The following IRAK3 variants were observed in gnomAD, a reference collection of about 807,000 sequenced individuals.
IRAK3 encodes interleukin-1 receptor-associated kinase 3.
Under a neutral mutation model 56.6 loss-of-function variants are expected in IRAK3, and 57 were observed. The observed-to-expected ratio is 1.01, with a 90% CI of 0.81 to 1.26. The LOEUF is 1.26. Among genes scored for constraint, IRAK3 ranks in the 50% most tolerant of loss-of-function variants. The probability of loss-of-function intolerance (pLI) is 0.00; values close to 1 mark genes in which losing one functional copy is unlikely to be tolerated. For missense variants in IRAK3, 703 were observed against 719.0 expected (o/e 0.98, Z 0.25); for synonymous variants, 258 against 255.7 (o/e 1.01, Z -0.09).
chr12:66,223,445 G>A (rs904543156), intron 6 of IRAK3, among the ~76,000 whole-genome samples: 1 of 151,796 alleles, frequency 6.6e-6, no homozygotes, highest in African/African-American at 2.4e-5. Flanking sequence ...GGATTATGAG[G>A]TCAGGAGATC....
At chr12:66,242,352 G>C (rs2052978904) in intron 8 of IRAK3, among the ~76,000 whole-genome samples, 2 of 152,230 alleles carry the variant, frequency 1.3e-5, no homozygotes, top group African/African-American at 4.8e-5. Context: ...ATCCATTGAA[G>C]AGTCAACCTA....
At chr12:66,226,932 G>A (rs2052793107) in intron 7 of IRAK3, 95 bp downstream of exon 7, 1 of 778,010 alleles carries the variant, frequency 1.3e-6, no homozygotes, top group Non-Finnish European at 2.3e-6. Flanking sequence ...GGCAAGATGT[G>A]TTTGCATGAG....
chr12:66,227,912 A>G (rs998392111), intron 7 of IRAK3, among the ~76,000 whole-genome samples: 3 of 152,232 alleles, frequency 2.0e-5, no homozygotes, highest in African/African-American at 7.2e-5. Flanking sequence ...GAATAAAAGC[A>G]GATTGTCTCA....
chr12:66,219,048 GTA>G lies in IRAK3; in HGVS notation c.653+1815_653+1816del, dbSNP rs746589992. Among the ~76,000 whole-genome samples the G allele has an allele frequency of 2.9e-3, 429 of 149,692 alleles. 2 individuals are homozygous for G. Among genetic ancestry groups the G allele is most frequent in the Non-Finnish European group, 5.3e-3 (358 of 67,914 alleles). On this transcript the variant is annotated intron_variant, in intron 6 of 11. Coordinates refer to ENST00000261233, the MANE Select transcript of IRAK3 (RefSeq NM_007199.3). ...AATATTCCATCGTGTGTGTGTGTGT[GTA>G]TGTGTGTGTGTGTGTGTGTCTCACA...
intron 5 of IRAK3, among the ~76,000 whole-genome samples, chr12:66,215,651 C>A (rs994843227): frequency 5.3e-5 from 8 of 152,142 alleles, no homozygotes; most frequent in African/African-American, 1.9e-4. Flanking sequence ...AGTAAAAATA[C>A]CTGAGATTAC....
At chr12:66,234,042 A>G in intron 8 of IRAK3, 2 of 1,609,248 alleles carry the variant, frequency 1.2e-6, no homozygotes, top group South Asian at 1.1e-5. Context: ...ACCCTTCTTC[A>G]TGTAAGAACA....
rs1274996384 is a variant in IRAK3, at chr12:66,253,228, A to G, written c.*5057A>G. The G allele has an allele frequency of 6.6e-6, 1 of 152,252 alleles. No homozygotes were observed. Among genetic ancestry groups the G allele is most frequent in the East Asian group, 1.9e-4 (1 of 5,202 alleles). 9.4% of individuals were successfully genotyped at this position (152,252 alleles called of 1,614,324 possible). On this transcript the variant is annotated 3_prime_UTR_variant, in exon 12 of 12. Transcript: ENST00000261233. ...AATATAATCAATCATTGCTTAAATTATTCCATTTCATCATTCTTGAATAAA... is the reference window on the plus strand; with the variant it reads ...AATATAATCAATCATTGCTTAAATTGTTCCATTTCATCATTCTTGAATAAA...
intron 8 of IRAK3, among the ~76,000 whole-genome samples, chr12:66,242,824 A>G (rs2052984852): frequency 6.6e-6 from 1 of 152,230 alleles, no homozygotes. Context: ...CTGTAATCCC[A>G]GCACTTCGGG....
At chr12:66,242,515 G>C (rs561953847) in intron 8 of IRAK3, among the ~76,000 whole-genome samples, 123 of 152,298 alleles carry the variant, frequency 8.1e-4, no homozygotes, top group Non-Finnish European at 1.2e-3. Context: ...TGACAGATGG[G>C]GGTGTGTGAG....
At chr12:66,207,178 T>C (rs11832980) in intron 2 of IRAK3, among the ~76,000 whole-genome samples, 10,706 of 152,206 alleles carry the variant, frequency 0.07, 1,038 homozygotes, top group African/African-American at 0.22. Flanking sequence ...TTTTAAAAAA[T>C]CTTCTATTTC....
At chr12:66,195,724 A>G (rs2052444779) in intron 1 of IRAK3, among the ~76,000 whole-genome samples, 1 of 151,982 alleles carries the variant, frequency 6.6e-6, no homozygotes, top group Non-Finnish European at 1.5e-5. Context: ...CAATGGTGCA[A>G]TCTTGGCTCT....
chr12:66,238,222 A>T (rs924122847), intron 8 of IRAK3, among the ~76,000 whole-genome samples: 4 of 152,252 alleles, frequency 2.6e-5, no homozygotes, highest in Non-Finnish European at 5.9e-5. Flanking sequence ...TCCTGACTGC[A>T]TAGTAAGTAC....
At chr12:66,223,979 G>A (rs1186534212) in intron 6 of IRAK3, among the ~76,000 whole-genome samples, 1 of 151,918 alleles carries the variant, frequency 6.6e-6, no homozygotes, top group African/African-American at 2.4e-5. Flanking sequence ...TGTTTTCTGT[G>A]AACTACAACA....
chr12:66,198,196 G>T (rs2052472911), intron 1 of IRAK3: 1 of 752,954 alleles, frequency 1.3e-6, no homozygotes. Context: ...ATTGCTTTCA[G>T]AATGAAGTTA....
intron 7 of IRAK3, 124 bp from the exon 8 acceptor site, chr12:66,228,128 G>T (rs1048679535): frequency 2.5e-6 from 2 of 800,162 alleles, no homozygotes; most frequent in Non-Finnish European, 4.5e-6. Context: ...AAACCAAAAC[G>T]TTGATTCACC....
Position 66,252,234 on chromosome 12 carries a change from A to C in IRAK3, c.*4063A>C, listed in dbSNP as rs761071071. 1 of 152,154 alleles carries C rather than the reference A, an allele frequency of 6.6e-6. No individual in the cohort carries two copies. Among genetic ancestry groups the C allele is most frequent in the Non-Finnish European group, 1.5e-5 (1 of 68,026 alleles). The allele number at this position is 152,154 out of a possible 1,614,324, so 9.4% of individuals were successfully genotyped here. ...GTGAGGACACTGAGTCAGGAAACTA[A>C]CTTGCTAAAATCAAGTCCTCCCAGT... is the stretch of plus-strand genomic sequence containing the variant. On this transcript the variant is annotated 3_prime_UTR_variant, in exon 12 of 12. Coordinates refer to ENST00000261233, the MANE Select transcript of IRAK3 (RefSeq NM_007199.3).
In IRAK3 at chr12:66,250,250, T is replaced by C. The variant is rs2053083654; in HGVS notation, c.*2079T>C. 6.6e-6 allele frequency: 1 copy of C among 152,234 alleles called. No individual in the cohort carries two copies. 9.4% of individuals were successfully genotyped at this position (152,234 alleles called of 1,614,324 possible). A position where few individuals can be genotyped will look rare whatever the true frequency, so the allele number is the denominator to read the frequency against. On this transcript the variant is annotated 3_prime_UTR_variant, in exon 12 of 12. Coordinates refer to ENST00000261233, the MANE Select transcript of IRAK3 (RefSeq NM_007199.3). ...GTAATAGAAGGGTAAACCTCTAGTT[T>C]CTTGTCCAGCAGAGGAATAGGCTCA...
chr12:66,233,519 GAA>G (rs71096082), intron 8 of IRAK3, among the ~76,000 whole-genome samples: 2 of 145,424 alleles, frequency 1.4e-5, no homozygotes, highest in African/African-American at 2.5e-5. Context: ...CTCCGTCTCG[GAA>G]AAAAAAAAAG....
At chr12:66,194,205 G>C (rs2052427420) in intron 1 of IRAK3, among the ~76,000 whole-genome samples, 1 of 152,098 alleles carries the variant, frequency 6.6e-6, no homozygotes. Flanking sequence ...CCGCTCCCAG[G>C]TAAGCCTGGT....
Sources: allele counts gnomAD v4.1 joint callset (sites outside exome capture counted in the v4.1 genomes callset), GRCh38; gene constraint gnomAD v4.1.1; transcripts MANE v1.5; gene names NCBI Gene and HGNC (gene_info 2026-07-23, HGNC 2026-07-21).